Variants in NFIA observed in about 807,000 individuals in gnomAD.
The protein encoded by NFIA is nuclear factor I A.
NFIA carries 8 observed loss-of-function variants against 62.8 expected under a neutral mutation model. The ratio of observed to expected loss-of-function variants is 0.13; its 90% CI spans 0.07 to 0.23. The LOEUF is 0.23. Ranked by LOEUF, NFIA falls within the 10% of genes least tolerant of loss-of-function variation. The probability of loss-of-function intolerance (pLI) is 1.00; values close to 1 mark genes in which losing one functional copy is unlikely to be tolerated. For synonymous variants in NFIA, 235 were observed against 238.1 expected (o/e 0.99, Z 0.12); for missense variants, 410 against 642.1 (o/e 0.64, Z 3.91).
At chr1:61,300,318 C>T (rs1038407461) in intron 3 of NFIA, among the ~76,000 whole-genome samples, 2 of 152,028 alleles carry the variant, frequency 1.3e-5, no homozygotes, top group African/African-American at 4.8e-5. Context: ...GATATTCCAG[C>T]AGATCTATAC....
At position 61,188,155 on chromosome 1, in the gene NFIA, C is replaced by G. The variant is rs1343634856; in HGVS notation, c.560-89365C>G. ...CTCCGCCTCCCGGGTTCAAGTGATTCTCCTGCCTCAGCCCCGGAGTAACTG... is the reference window on the plus strand; with the variant it reads ...CTCCGCCTCCCGGGTTCAAGTGATTGTCCTGCCTCAGCCCCGGAGTAACTG... On this transcript the variant is annotated intron_variant, in intron 2 of 10. Transcript: ENST00000403491. Among the ~76,000 whole-genome samples the G allele has an allele frequency of 4.6e-5, 7 of 152,216 alleles. 1 individual carries two copies. The South Asian group carries it at 8.3e-4, about 18-fold the overall frequency.
chr1:61,173,427 G>A (rs1314278977), intron 2 of NFIA, among the ~76,000 whole-genome samples: 1 of 151,954 alleles, frequency 6.6e-6, no homozygotes, highest in East Asian at 1.9e-4. Flanking sequence ...TCATTCTGTT[G>A]CCCACGCAGG....
intron 2 of NFIA, among the ~76,000 whole-genome samples, chr1:61,160,975 C>T (rs2100535501): frequency 6.6e-6 from 1 of 152,314 alleles, no homozygotes; most frequent in South Asian, 2.1e-4. Flanking sequence ...AGTGCAGTGG[C>T]ACAATCTCAG....
At chr1:61,387,200 A>G (rs1569716363) in intron 7 of NFIA, among the ~76,000 whole-genome samples, 2 of 152,208 alleles carry the variant, frequency 1.3e-5, no homozygotes, top group East Asian at 3.9e-4. Flanking sequence ...TCTGTCCACT[A>G]CTTGGCACAT....
intron 2 of NFIA, among the ~76,000 whole-genome samples, chr1:61,108,639 A>T (rs535571053): frequency 6.0e-5 from 9 of 150,860 alleles, no homozygotes; most frequent in African/African-American, 2.2e-4. Context: ...GGCATTCTTG[A>T]TTTTTTTTTC....
At chr1:61,353,393 C>G (rs774393265) in intron 5 of NFIA, among the ~76,000 whole-genome samples, 1 of 152,130 alleles carries the variant, frequency 6.6e-6, no homozygotes, top group Admixed American at 6.5e-5. Context: ...TTTGCAAGAT[C>G]GTGTTGTCTC....
intron 2 of NFIA, among the ~76,000 whole-genome samples, chr1:61,261,151 C>G (rs1276362580): frequency 1.3e-5 from 2 of 152,120 alleles, no homozygotes; most frequent in Non-Finnish European, 2.9e-5. Context: ...CCAGGCTAAC[C>G]CAGCTTCTAA....
intron 6 of NFIA, among the ~76,000 whole-genome samples, chr1:61,368,860 G>T (rs1417833145): frequency 6.6e-6 from 1 of 152,140 alleles, no homozygotes; most frequent in Admixed American, 6.6e-5. Flanking sequence ...AAAGCACTGT[G>T]CAAAAATGAT....
chr1:61,430,191 T>G (rs572883477), intron 10 of NFIA, among the ~76,000 whole-genome samples: 1 of 152,112 alleles, frequency 6.6e-6, no homozygotes, highest in African/African-American at 2.4e-5. Flanking sequence ...AAGTGGACTG[T>G]TGATCAGAGT....
intron 2 of NFIA, among the ~76,000 whole-genome samples, chr1:61,232,356 A>G (rs1185915825): frequency 6.6e-6 from 1 of 152,178 alleles, no homozygotes; most frequent in Non-Finnish European, 1.5e-5. Context: ...AAATTAAGCC[A>G]TATATATTAT....
At chr1:61,277,660 T>G in intron 3 of NFIA, 75 bp downstream of exon 3, 2 of 1,478,060 alleles carry the variant, frequency 1.4e-6, no homozygotes, top group East Asian at 4.5e-5. Flanking sequence ...GTGTGAGGAT[T>G]TGGGGGCCTA....
chr1:61,148,654 T>C (rs1026923809), intron 2 of NFIA, among the ~76,000 whole-genome samples: 1 of 152,188 alleles, frequency 6.6e-6, no homozygotes, highest in African/African-American at 2.4e-5. Context: ...TCTTCCAAAC[T>C]CTATTGGTAC....
intron 3 of NFIA, among the ~76,000 whole-genome samples, chr1:61,301,683 C>T (rs977764275): frequency 9.9e-5 from 15 of 152,110 alleles, no homozygotes; most frequent in African/African-American, 3.6e-4. Flanking sequence ...AGTATAATGT[C>T]TATTGTTATT....
chr1:61,240,987 C>A (rs1425572492), intron 2 of NFIA, among the ~76,000 whole-genome samples: 2 of 149,084 alleles, frequency 1.3e-5, no homozygotes, highest in East Asian at 2.0e-4. Context: ...TTTTTTTAGT[C>A]CAGTTCATAA....
intron 2 of NFIA, among the ~76,000 whole-genome samples, chr1:61,111,764 C>T (rs1172892312): frequency 1.3e-5 from 2 of 152,020 alleles, no homozygotes; most frequent in Non-Finnish European, 2.9e-5. Flanking sequence ...AGTTAATGTC[C>T]GTTACTGCTA....
chr1:61,455,059 A>C (rs1668237228), intron 10 of NFIA, among the ~76,000 whole-genome samples: 1 of 152,204 alleles, frequency 6.6e-6, no homozygotes, highest in Non-Finnish European at 1.5e-5. Flanking sequence ...GAAATACCTC[A>C]TTCTGTAAGA....
At chr1:61,338,192 G>T (rs544825864) in intron 4 of NFIA, among the ~76,000 whole-genome samples, 4 of 152,176 alleles carry the variant, frequency 2.6e-5, no homozygotes, top group Non-Finnish European at 5.9e-5. Flanking sequence ...GAGTCTTTGG[G>T]TGTGAAAACC....
intron 5 of NFIA, among the ~76,000 whole-genome samples, chr1:61,354,688 T>G (rs1662734772): frequency 6.6e-6 from 1 of 152,202 alleles, no homozygotes; most frequent in Non-Finnish European, 1.5e-5. Context: ...TAGGACTGAC[T>G]CTTTTAGTAA....
chr1:61,129,871 G>A (rs1212667629), intron 2 of NFIA, among the ~76,000 whole-genome samples: 4 of 152,186 alleles, frequency 2.6e-5, no homozygotes. Context: ...AGTTAGAGAT[G>A]TGGGGAGACA....
Sources: allele counts gnomAD v4.1 joint callset (sites outside exome capture counted in the v4.1 genomes callset), GRCh38; gene constraint gnomAD v4.1.1; transcripts MANE v1.5; gene names NCBI Gene and HGNC (gene_info 2026-07-23, HGNC 2026-07-21).